ADISSP: variants seen among roughly 807,000 people sequenced by gnomAD.
The protein encoded by ADISSP is adipose secreted signaling protein, also known as adipose-secreted signaling protein.
chr20:3,756,847 C>T, the ADISSP span, among the ~76,000 whole-genome samples: 1 of 152,086 alleles, frequency 6.6e-6, no homozygotes, highest in Non-Finnish European at 1.5e-5. Flanking sequence ...AATGATGACA[C>T]GTATCATGGA....
chr20:3,762,564 C>G, the ADISSP span, among the ~76,000 whole-genome samples: 1 of 152,206 alleles, frequency 6.6e-6, no homozygotes, highest in Non-Finnish European at 1.5e-5. Context: ...GTTGCCCAGG[C>G]TGGTCTCAAA....
the ADISSP span, chr20:3,760,006 C>T: frequency 5.0e-6 from 8 of 1,608,582 alleles, no homozygotes; most frequent in Non-Finnish European, 6.8e-6. Context: ...GCGGGCCCTA[C>T]CTGCAGCAAT....
At chr20:3,755,420 T>C in the ADISSP span, 5 of 1,578,226 alleles carry the variant, frequency 3.2e-6, no homozygotes, top group East Asian at 9.0e-5. Context: ...GAGCACCCCA[T>C]GTTCTCACTC....
At chr20:3,758,858 C>T in the ADISSP span, among the ~76,000 whole-genome samples, 1 of 152,208 alleles carries the variant, frequency 6.6e-6, no homozygotes, top group Admixed American at 6.5e-5. The surrounding 1 kb of genome is among the most constrained non-coding windows in gnomAD (Gnocchi z 5.5). Context: ...CCGGCCCCGA[C>T]CTGCCCCTCC....
chr20:3,765,898 A>T, the ADISSP span, among the ~76,000 whole-genome samples: 9 of 152,108 alleles, frequency 5.9e-5, no homozygotes, highest in African/African-American at 2.2e-4. Context: ...CCAGCAAAAA[A>T]AATTATACCC....
the ADISSP span, among the ~76,000 whole-genome samples, chr20:3,757,796 C>T: frequency 1.3e-5 from 2 of 152,042 alleles, no homozygotes; most frequent in Non-Finnish European, 2.9e-5. Context: ...GCTCAGCTAA[C>T]TTTTGTATTT....
the ADISSP span, among the ~76,000 whole-genome samples, chr20:3,757,785 C>T: frequency 1.1e-4 from 17 of 152,270 alleles, no homozygotes; most frequent in South Asian, 2.1e-4. Context: ...TGCGCCACCA[C>T]GCTCAGCTAA....
the ADISSP span, chr20:3,754,455 T>A: frequency 6.2e-7 from 1 of 1,613,904 alleles, no homozygotes. Context: ...CTTCGCAGGC[T>A]AGCAGTATCT....
chr20:3,753,694 G>A, the ADISSP span: 2 of 319,326 alleles, frequency 6.3e-6, no homozygotes, highest in Non-Finnish European at 1.2e-5. Flanking sequence ...ATGGGGCCAC[G>A]ACGCCACAGA....
the ADISSP span, chr20:3,755,368 CCGACTTGCTGAGCTGCCCATCCA>C: frequency 8.7e-7 from 1 of 1,153,534 alleles, no homozygotes; most frequent in Non-Finnish European, 1.3e-6. Flanking sequence ...TGCCACATCC[CCGACTTGCTGAGCTGCCCATCCA>C]CCCTAGTTGG....
chr20:3,767,416 G>C, the ADISSP span: 1 of 152,380 alleles, frequency 6.6e-6, no homozygotes, highest in Non-Finnish European at 1.5e-5. Flanking sequence ...CCGGACAATC[G>C]CTTCGCGGAA....
chr20:3,757,153 A>G, the ADISSP span, among the ~76,000 whole-genome samples: 1 of 152,174 alleles, frequency 6.6e-6, no homozygotes, highest in Non-Finnish European at 1.5e-5. Flanking sequence ...GATCGAGACC[A>G]TCCTGGCCAA....
the ADISSP span, among the ~76,000 whole-genome samples, chr20:3,757,837 A>G: frequency 5.9e-5 from 9 of 152,024 alleles, no homozygotes; most frequent in African/African-American, 1.9e-4. Context: ...CCCATTGGCC[A>G]GGCTAAACCT....
chr20:3,758,838 G>A, the ADISSP span, among the ~76,000 whole-genome samples: 5 of 152,194 alleles, frequency 3.3e-5, no homozygotes, highest in Non-Finnish European at 5.9e-5. The surrounding 1 kb of genome is among the most constrained non-coding windows in gnomAD (Gnocchi z 5.5). Flanking sequence ...TGAGGCTTGA[G>A]GCCTCCCCGC....
chr20:3,754,143 G>A, the ADISSP span: 7 of 1,611,166 alleles, frequency 4.3e-6, no homozygotes, highest in East Asian at 2.2e-5. Flanking sequence ...CAGCATGGGC[G>A]TGCCGTGGTG....
chr20:3,764,769 C>G, the ADISSP span, among the ~76,000 whole-genome samples: 3 of 152,248 alleles, frequency 2.0e-5, no homozygotes, highest in African/African-American at 4.8e-5. Context: ...AGGGCCTGGC[C>G]AAGGCCCGTA....
At chr20:3,757,045 A>ATAAATAAATAAATAAATAAC in the ADISSP span, among the ~76,000 whole-genome samples, 1 of 152,124 alleles carries the variant, frequency 6.6e-6, no homozygotes, top group African/African-American at 2.4e-5. Context: ...AAATAAATAA[A>ATAAATAAATAAATAAATAAC]TAACATTTTA....
chr20:3,761,262 G>T, the ADISSP span, among the ~76,000 whole-genome samples: 1 of 152,122 alleles, frequency 6.6e-6, no homozygotes, highest in Non-Finnish European at 1.5e-5. Context: ...TGCTAAACCA[G>T]AGGGGAAGGT....
the ADISSP span, chr20:3,755,421 G>C: frequency 1.3e-6 from 2 of 1,578,906 alleles, no homozygotes; most frequent in Non-Finnish European, 1.7e-6. Flanking sequence ...AGCACCCCAT[G>C]TTCTCACTCC....
Sources: gnomAD v4.1 joint callset for allele counts (sites outside exome capture counted in the v4.1 genomes callset) on GRCh38, gnomAD v4.1.1 for gene constraint, Gnocchi (gnomAD v3.1) non-coding constraint, MANE v1.5 for transcripts, NCBI Gene and HGNC (gene_info 2026-07-23, HGNC 2026-07-21) for gene names.